Variants in PLA2G4E observed in about 807,000 individuals in gnomAD.
The protein encoded by PLA2G4E is phospholipase A2 group IVE.
A neutral mutation model predicts 109.1 loss-of-function variants in PLA2G4E; 84 were observed. The ratio of observed to expected loss-of-function variants is 0.77; its 90% CI spans 0.65 to 0.92. The LOEUF is 0.92. PLA2G4E is among the 40% of genes least tolerant of loss of function. The pLI is 0.00. For synonymous variants in PLA2G4E, 469 were observed against 436.1 expected (o/e 1.08, Z -0.94); for missense variants, 1,057 against 1,076.6 (o/e 0.98, Z 0.25).
chr15:41,985,144 G>A (rs1337221726), intron 18 of PLA2G4E, among the ~76,000 whole-genome samples: 1 of 152,130 alleles, frequency 6.6e-6, no homozygotes, highest in East Asian at 1.9e-4. Flanking sequence ...CTGTGTCTTG[G>A]TTTCCTCATC....
chr15:41,997,745 C>G (rs926384964), intron 10 of PLA2G4E: 1 of 152,444 alleles, frequency 6.6e-6, no homozygotes, highest in Admixed American at 6.5e-5. Flanking sequence ...AGCTCACGTT[C>G]TTCAATGAGC....
At chr15:42,021,465 G>C (rs72726092) in intron 1 of PLA2G4E, among the ~76,000 whole-genome samples, 18,853 of 151,002 alleles carry the variant, frequency 0.12, 1,598 homozygotes, top group Non-Finnish European at 0.19. Context: ...TCATGGCTTG[G>C]TACCCCAGGA....
chr15:41,999,680 C>G (rs2068393101), intron 9 of PLA2G4E, 119 bp from the exon 10 acceptor site: 25 of 1,281,114 alleles, frequency 2.0e-5, no homozygotes, highest in Non-Finnish European at 2.5e-5. Flanking sequence ...GGCGCTCCAT[C>G]CCTGCCTCTC....
intron 2 of PLA2G4E, chr15:42,010,142 C>CCCCCCCCCCCCCCCCG (rs139522193): frequency 1.1e-5 from 5 of 459,708 alleles, no homozygotes; most frequent in South Asian, 3.8e-5. Flanking sequence ...GCCCCCCCAC[C>CCCCCCCCCCCCCCCCG]CCGGGCCTGG....
At chr15:42,041,139 C>A (rs1889308564) in intron 1 of PLA2G4E, among the ~76,000 whole-genome samples, 1 of 152,090 alleles carries the variant, frequency 6.6e-6, no homozygotes, top group Admixed American at 6.5e-5. Flanking sequence ...AATATGCAAA[C>A]CTTGCACTGC....
intron 1 of PLA2G4E, among the ~76,000 whole-genome samples, chr15:42,024,939 G>A (rs1259716435): frequency 2.0e-5 from 3 of 152,140 alleles, no homozygotes; most frequent in Non-Finnish European, 4.4e-5. Context: ...GGTGGCTCAC[G>A]CCTGTAATCC....
Position 42,010,132 on chromosome 15 carries a change from G to GCACC in PLA2G4E, c.257-2268_257-2267insGGTG, listed in dbSNP as rs1555386988. On this transcript the variant is annotated intron_variant, in intron 2 of 19. Coordinates refer to ENST00000399518, the Ensembl canonical transcript of PLA2G4E. ...TTCCCTTGGCTTTTCCAGAACACTG[G>GCACC]CCCCCCCACCCCGGGCCTGGACCAC... is the stretch of plus-strand genomic sequence containing the variant. The GCACC allele has an allele frequency of 1.5e-4, 65 of 428,704 alleles. 1 individual carries two copies. The highest frequency in any genetic ancestry group is 1.1e-3 in the Admixed American group (49 of 45,258). 26.6% of individuals were successfully genotyped at this position (428,704 alleles called of 1,614,324 possible). A position where few individuals can be genotyped will look rare whatever the true frequency, so the allele number is the denominator to read the frequency against.
chr15:42,006,059 T>C, exon 4 of PLA2G4E: 1 of 1,613,968 alleles, frequency 6.2e-7, no homozygotes, highest in East Asian at 2.2e-5. Flanking sequence ...CATAGAGAAC[T>C]GTCAGGAGAT....
At chr15:42,024,823 G>C (rs1184504171) in intron 1 of PLA2G4E, among the ~76,000 whole-genome samples, 1 of 152,136 alleles carries the variant, frequency 6.6e-6, no homozygotes, top group Admixed American at 6.5e-5. Flanking sequence ...CATAAACCAG[G>C]TAGGACCCAG....
chr15:42,029,790 G>T (rs998750372), intron 1 of PLA2G4E, among the ~76,000 whole-genome samples: 1 of 152,222 alleles, frequency 6.6e-6, no homozygotes, highest in East Asian at 1.9e-4. Flanking sequence ...ATGAGGTAAA[G>T]GACTTAGCAC....
At position 42,032,000 on chromosome 15, in the gene PLA2G4E, T is replaced by C. The variant is rs1316304584; in HGVS notation, c.184-18243A>G. 3.9e-5 allele frequency among the ~76,000 whole-genome samples: 6 copies of C among 152,280 alleles called. No homozygotes were observed. The South Asian group carries it at 1.2e-3, about 32-fold the overall frequency. On this transcript the variant is annotated intron_variant, in intron 1 of 19. Coordinates refer to ENST00000399518, the Ensembl canonical transcript of PLA2G4E. ...AATGGCTTGGTCCTTCTGGTGGTAATGAGTGAGTTCTCGCTCTGAGTTCAT... is the reference window on the plus strand; with the variant it reads ...AATGGCTTGGTCCTTCTGGTGGTAACGAGTGAGTTCTCGCTCTGAGTTCAT...
intron 1 of PLA2G4E, among the ~76,000 whole-genome samples, chr15:42,033,284 G>A (rs1331537446): frequency 6.6e-6 from 1 of 152,142 alleles, no homozygotes; most frequent in African/African-American, 2.4e-5. Flanking sequence ...GTCCCGATGA[G>A]CCTTGGCCCT....
chr15:41,993,078 C>T (rs750908953), intron 12 of PLA2G4E, 119 bp from the exon 13 acceptor site: 19 of 845,054 alleles, frequency 2.2e-5, no homozygotes, highest in Non-Finnish European at 3.4e-5. Context: ...AGGAGGGGAA[C>T]CTGGAGAGTA....
chr15:42,007,734 C>G (rs1451392422), exon 3 of PLA2G4E: 10 of 1,612,028 alleles, frequency 6.2e-6, no homozygotes, highest in Non-Finnish European at 8.5e-6. Flanking sequence ...CTCACCTTCA[C>G]TCGGCTCTGG....
At chr15:41,981,765 T>A (rs1418916925) in exon 20 of PLA2G4E, 1 of 152,266 alleles carries the variant, frequency 6.6e-6, no homozygotes, top group Non-Finnish European at 1.5e-5. Flanking sequence ...AAAGAAAAGA[T>A]GTCAAAGTGG....
At chr15:42,001,425 G>A (rs16972421) in intron 6 of PLA2G4E, among the ~76,000 whole-genome samples, 1,947 of 152,268 alleles carry the variant, frequency 0.013, 38 homozygotes, top group African/African-American at 0.043. Flanking sequence ...ACTTGACCAC[G>A]AAGCTGTCCC....
At chr15:42,018,005 G>C (rs1384082303) in intron 1 of PLA2G4E, among the ~76,000 whole-genome samples, 1 of 152,178 alleles carries the variant, frequency 6.6e-6, no homozygotes, top group East Asian at 1.9e-4. Context: ...ACAGAATTGG[G>C]ACTGGGAAGG....
chr15:42,006,468 C>T (rs184635078), intron 3 of PLA2G4E, among the ~76,000 whole-genome samples: 68 of 152,252 alleles, frequency 4.5e-4, no homozygotes, highest in Admixed American at 1.3e-3. Flanking sequence ...AAGACCCCTG[C>T]CAGGATATAG....
chr15:42,007,608 A>G, intron 3 of PLA2G4E, 121 bp downstream of exon 3: 2 of 1,272,840 alleles, frequency 1.6e-6, no homozygotes, highest in South Asian at 2.9e-5. Flanking sequence ...TTTGTAGGAC[A>G]AGAAGTAGGC....
Sources: gnomAD v4.1 joint callset for allele counts (sites outside exome capture counted in the v4.1 genomes callset) on GRCh38, gnomAD v4.1.1 for gene constraint, MANE v1.5 for transcripts, NCBI Gene and HGNC (gene_info 2026-07-23, HGNC 2026-07-21) for gene names.